The following IPO8 variants were observed in gnomAD, a reference collection of about 807,000 sequenced individuals.
The protein encoded by IPO8 is importin 8.
IPO8 carries 65 observed loss-of-function variants against 141.2 expected under a neutral mutation model. The ratio of observed to expected loss-of-function variants is 0.46; its 90% CI spans 0.38 to 0.57. The LOEUF is 0.57. IPO8 is among the 20% of genes least tolerant of loss of function. The probability of loss-of-function intolerance (pLI) is 0.00; values close to 1 mark genes in which losing one functional copy is unlikely to be tolerated. For missense variants in IPO8, 980 were observed against 1,246.8 expected (o/e 0.79, Z 3.22); for synonymous variants, 411 against 420.3 (o/e 0.98, Z 0.27).
At chr12:30,688,927 T>A (rs959549794) in intron 2 of IPO8, among the ~76,000 whole-genome samples, 14 of 152,094 alleles carry the variant, frequency 9.2e-5, no homozygotes, top group African/African-American at 3.4e-4. Flanking sequence ...TTAGCATTGC[T>A]TCTATCAACA....
chr12:30,636,865 T>C lies in IPO8; in HGVS notation c.2695+117A>G, dbSNP rs569210420. 1.6e-5 allele frequency: 13 copies of C among 837,746 alleles called. No homozygotes were observed. The South Asian group carries it at 1.9e-4, about 12-fold the overall frequency. 51.9% of individuals were successfully genotyped at this position (837,746 alleles called of 1,614,324 possible). A position where few individuals can be genotyped will look rare whatever the true frequency, so the allele number is the denominator to read the frequency against. ...CCAAGCCCAAAATATTTGTTATATG[T>C]GTAGCAGGCCGAAGAATGTAAATCT... On this transcript the variant is annotated intron_variant, in intron 22 of 24. Transcript: ENST00000256079.
intron 24 of IPO8, chr12:30,631,673 G>A: frequency 5.0e-6 from 2 of 398,910 alleles, no homozygotes; most frequent in Non-Finnish European, 4.5e-6. Flanking sequence ...ATGTGAATGA[G>A]AACACCACTA....
intron 13 of IPO8, among the ~76,000 whole-genome samples, chr12:30,664,353 G>A (rs754360209): frequency 6.6e-6 from 1 of 152,092 alleles, no homozygotes; most frequent in Non-Finnish European, 1.5e-5. Context: ...TAGTGTACAA[G>A]GCATTGTTAA....
chr12:30,679,943 T>C (rs2053167244), intron 5 of IPO8, among the ~76,000 whole-genome samples: 1 of 152,230 alleles, frequency 6.6e-6, no homozygotes, highest in African/African-American at 2.4e-5. Flanking sequence ...TATCTTCTCA[T>C]TTCTTTCCGG....
At position 30,634,075 on chromosome 12, in the gene IPO8, A is replaced by C; in HGVS notation, c.2899+8T>G. The C allele has an allele frequency of 6.2e-7, 1 of 1,607,362 alleles. No individual in the cohort carries two copies. Among genetic ancestry groups the C allele is most frequent in the African/African-American group, 1.3e-5 (1 of 74,918 alleles). On this transcript the variant is annotated splice_region_variant and intron_variant, in intron 23 of 24. Coordinates refer to ENST00000256079, the MANE Select transcript of IPO8 (RefSeq NM_006390.4). ...AATATCAGAAGATGTGGGGAAGTAA[A>C]GACATACTTATCAGAGCTTGTGTAA...
intron 1 of IPO8, among the ~76,000 whole-genome samples, chr12:30,694,194 G>C (rs1565513165): frequency 6.6e-6 from 1 of 152,080 alleles, no homozygotes. Flanking sequence ...CTAACCCCTG[G>C]ATTACTATTC....
At chr12:30,632,825 G>A (rs33270) in intron 23 of IPO8, among the ~76,000 whole-genome samples, 139,187 of 152,254 alleles carry the variant, frequency 0.91, 63,816 homozygotes, top group East Asian at 1. Context: ...AACTTTCAAC[G>A]CTATTCCAAT....
rs1367643176 is a variant in IPO8 at position 30,669,274 on chromosome 12, A to T, written c.1053T>A (p.Ser351=). 13 of 1,533,872 alleles carry T rather than the reference A, an allele frequency of 8.5e-6. No homozygotes were observed. Among genetic ancestry groups the T allele is most frequent in the Non-Finnish European group, 1.1e-5 (12 of 1,128,904 alleles). Residue 351 remains serine (S), a synonymous_variant, in exon 10 of 25, where the codon TCT becomes TCA. Coordinates refer to ENST00000256079, the MANE Select transcript of IPO8 (RefSeq NM_006390.4). ...KQMKPHIQNI[S]EDVIFSVMCY... ...ACATCACAGAAAAAATCACATCTTC[A>T]GAGATATTCTAAAATGAGAAAAAAA...
chr12:30,631,750 C>T, intron 24 of IPO8, 145 bp downstream of exon 24: 1 of 617,860 alleles, frequency 1.6e-6, no homozygotes, highest in South Asian at 2.0e-5. Flanking sequence ...AACAATCATA[C>T]AATAATGACA....
Position 30,630,767 on chromosome 12 carries a change from A to G in IPO8, c.*93T>C, listed in dbSNP as rs1438509457. The G allele has an allele frequency of 2.9e-5, 29 of 991,662 alleles. No individual in the cohort carries two copies. Among genetic ancestry groups the G allele is most frequent in the Non-Finnish European group, 4.0e-5 (26 of 646,150 alleles). The allele number at this position is 991,662 out of a possible 1,614,324, so 61.4% of individuals were successfully genotyped here. The stretch of plus-strand genomic sequence containing the variant: ...GTAACTGGCACAGCAGGAGGGCCCT[A>G]AAAGCAGCCCCTCATTTCATCCCCT... On this transcript the variant is annotated 3_prime_UTR_variant, in exon 25 of 25. Transcript: ENST00000256079.
rs76847596 is a variant in IPO8, at chr12:30,630,866, G to A, written c.3108C>T (p.Asn1036=). The change falls in exon 25 of 25, where the codon AAC becomes AAT. Residue 1036 remains asparagine, a synonymous_variant. Coordinates refer to ENST00000256079, the MANE Select transcript of IPO8 (RefSeq NM_006390.4). ...TCAGCTGATGTTCTTTCCTTCAGTT[G>A]TTGCTGGGCACAGTCCCAAAATTAA... ...SAFNFGTVPS[N]N 2.7e-5 allele frequency: 43 copies of A among 1,611,304 alleles called. No individual in the cohort carries two copies. The East Asian group carries it at 8.3e-4, about 31-fold the overall frequency.
intron 16 of IPO8, 30 bp downstream of exon 16, chr12:30,661,110 TA>T (rs749103189): frequency 2.9e-6 from 1 of 344,638 alleles, no homozygotes; most frequent in Non-Finnish European, 3.9e-6. Context: ...TAAATGCTAC[TA>T]TTATATCATA....
chr12:30,642,319 T>C (rs1439830878), intron 20 of IPO8, among the ~76,000 whole-genome samples: 2 of 152,074 alleles, frequency 1.3e-5, no homozygotes, highest in Non-Finnish European at 2.9e-5. Context: ...GGTTGAAAAA[T>C]GATCTGTTGG....
rs1293949219 is a variant in IPO8 at position 30,649,942 on chromosome 12, A to G, written c.2173-710T>C. Among the ~76,000 whole-genome samples, 5 of 152,082 alleles carry G rather than the reference A, an allele frequency of 3.3e-5. No individual in the cohort carries two copies. The East Asian group carries it at 9.6e-4, about 29-fold the overall frequency. On this transcript the variant is annotated intron_variant, in intron 19 of 24. Coordinates refer to ENST00000256079, the MANE Select transcript of IPO8 (RefSeq NM_006390.4). ...AATTAATGATTCAAATATAAGACATAAGAAAAAGAATAGACTTAAAGAAAT... is the reference window on the plus strand; with the variant it reads ...AATTAATGATTCAAATATAAGACATGAGAAAAAGAATAGACTTAAAGAAAT...
At chr12:30,631,173 C>T (rs3850962) in intron 24 of IPO8, among the ~76,000 whole-genome samples, 5,900 of 152,148 alleles carry the variant, frequency 0.039, 358 homozygotes, top group African/African-American at 0.13. Context: ...CTGCAAAAAA[C>T]GAGTGAAAAG....
chr12:30,663,879 A>G (rs935737374), intron 13 of IPO8, among the ~76,000 whole-genome samples: 1 of 152,204 alleles, frequency 6.6e-6, no homozygotes, highest in Admixed American at 6.5e-5. Context: ...TTTCATAGGA[A>G]AGAGAAAAAG....
In IPO8 at chr12:30,684,433, AC is replaced by A; in HGVS notation, c.190del (p.Val64Ter). 6.2e-7 allele frequency: 1 copy of A among 1,613,896 alleles called. No individual in the cohort carries two copies. The highest frequency in any genetic ancestry group is 8.5e-7 in the Non-Finnish European group (1 of 1,179,944). On this transcript the variant is annotated frameshift_variant, in exon 3 of 25. Coordinates refer to ENST00000256079, the MANE Select transcript of IPO8 (RefSeq NM_006390.4). LOFTEE classifies it high-confidence loss of function. The stretch of plus-strand genomic sequence containing the variant: ...TTCTCGATCTGGCCAGTATTGTGTC[AC>A]CATGTTCTTCAGGTAAATGGCAGCT... ...QAAAIYLKNM[V>X]TQYWPDREPP...
At chr12:30,688,230 C>T (rs2053260859) in intron 2 of IPO8, 1 of 240,200 alleles carries the variant, frequency 4.2e-6, no homozygotes, top group South Asian at 4.2e-5. Flanking sequence ...TGCTATTATG[C>T]TTATCAACAC....
At chr12:30,644,527 T>C (rs1251490500) in intron 20 of IPO8, among the ~76,000 whole-genome samples, 5 of 151,978 alleles carry the variant, frequency 3.3e-5, no homozygotes, top group East Asian at 1.9e-4. Flanking sequence ...TAAAGCTCCA[T>C]TGAGAGCAAA....
Sources: gnomAD v4.1 joint callset for allele counts (sites outside exome capture counted in the v4.1 genomes callset) on GRCh38, gnomAD v4.1.1 for gene constraint, MANE v1.5 for transcripts, NCBI Gene and HGNC (gene_info 2026-07-23, HGNC 2026-07-21) for gene names.